Variants in FBXO11 observed in about 807,000 individuals in gnomAD.
The protein encoded by FBXO11 is F-box protein 11.
Under a neutral mutation model 117.0 loss-of-function variants are expected in FBXO11, and 13 were observed. That is an observed-to-expected ratio of 0.11 (90% CI 0.07 to 0.18). FBXO11 has a LOEUF of 0.18. Among genes scored for constraint, FBXO11 ranks in the 10% least tolerant of loss-of-function variants. The pLI, the probability that FBXO11 is intolerant of heterozygous loss-of-function variation, is 1.00. For missense variants in FBXO11, 767 were observed against 1,164.4 expected (o/e 0.66, Z 4.97); for synonymous variants, 490 against 380.5 (o/e 1.29, Z -3.35).
intron 1 of FBXO11, among the ~76,000 whole-genome samples, chr2:47,851,048 A>G (rs1029639724): frequency 3.9e-5 from 6 of 152,200 alleles, no homozygotes; most frequent in African/African-American, 1.4e-4. Context: ...ATCCAAGTTC[A>G]ATTGGACAAT....
At chr2:47,897,928 CA>C (rs1208932952) in intron 1 of FBXO11, among the ~76,000 whole-genome samples, 1 of 151,600 alleles carries the variant, frequency 6.6e-6, no homozygotes, top group East Asian at 1.9e-4. Flanking sequence ...TCTCTTCACA[CA>C]AAAAAAAGGA....
chr2:47,821,588 T>G (rs1572781864), intron 13 of FBXO11, among the ~76,000 whole-genome samples: 3 of 138,948 alleles, frequency 2.2e-5, no homozygotes, highest in African/African-American at 2.7e-5. Context: ...CCAGCCTGGG[T>G]GATAGAGAGA....
At chr2:47,813,604 G>T in intron 17 of FBXO11, among the ~76,000 whole-genome samples, 187 bp downstream of exon 17, 1 of 151,246 alleles carries the variant, frequency 6.6e-6, no homozygotes, top group Admixed American at 6.6e-5. Flanking sequence ...ACTAATTTTT[G>T]TAATATTTAG....
In FBXO11 at chr2:47,820,374, A is replaced by T; in HGVS notation, c.1785T>A (p.Gly595=). Reference sequence around the variant, plus strand: ...TACATTAACTTACCACATAAATCCCACCATGCTGGCCATCATGAATTTTGT... The same window carrying T: ...TACATTAACTTACCACATAAATCCCTCCATGCTGGCCATCATGAATTTTGT... ...RHNKIHDGQH[G]GIYVHEKGQG... is the part of the protein sequence containing the mutation. The change falls in exon 14 of 23, where the codon GGT becomes GGA. Residue 595 remains glycine, a synonymous_variant. Coordinates refer to ENST00000403359, the MANE Select transcript of FBXO11 (RefSeq NM_001190274.2). 1 of 1,613,558 alleles carries T rather than the reference A, an allele frequency of 6.2e-7. No individual in the cohort carries two copies. Among genetic ancestry groups the T allele is most frequent in the Non-Finnish European group, 8.5e-7 (1 of 1,179,736 alleles).
At position 47,900,863 on chromosome 2, in the gene FBXO11, T is replaced by A. The variant is rs1362534132; in HGVS notation, c.232+4626A>T. On this transcript the variant is annotated intron_variant, in intron 1 of 22. Transcript: ENST00000403359. The stretch of plus-strand genomic sequence containing the variant: ...ACACACGTGTATATATATACACGTA[T>A]ACACACACACGTGTATATATATACA... Among the ~76,000 whole-genome samples the A allele has an allele frequency of 3.7e-5, 5 of 134,080 alleles. 1 individual carries two copies. Among genetic ancestry groups the A allele is most frequent in the African/African-American group, 1.2e-4 (4 of 34,650 alleles). 88.0% of individuals were successfully genotyped at this position (134,080 alleles called of 152,430 possible). A position where few individuals can be genotyped will look rare whatever the true frequency, so the allele number is the denominator to read the frequency against.
At chr2:47,823,418 C>T (rs1671521566) in intron 11 of FBXO11, 58 bp from the exon 12 acceptor site, 3 of 1,293,940 alleles carry the variant, frequency 2.3e-6, no homozygotes, top group African/African-American at 1.5e-5. Context: ...AAAAGAAATG[C>T]CATTTAAAAA....
intron 1 of FBXO11, among the ~76,000 whole-genome samples, chr2:47,862,861 C>A (rs1176810146): frequency 6.6e-6 from 1 of 151,990 alleles, no homozygotes; most frequent in African/African-American, 2.4e-5. Flanking sequence ...TTGAGACCAG[C>A]CTGACCAACA....
chr2:47,839,730 C>A lies in FBXO11; in HGVS notation c.272G>T (p.Gly91Val), dbSNP rs1672869417. The change falls in exon 2 of 23, where the codon GGT (glycine) becomes GTT (valine). Residue 91 changes from glycine (G) to valine (V), a missense_variant. Gly to Val is a moderately radical substitution (Grantham distance 109). Around this residue, in one of 10 missense-constraint regions of FBXO11, gnomAD observed 355 missense variants for 299.8 expected, o/e 1.18. Transcript: ENST00000403359. The stretch of plus-strand genomic sequence containing the variant: ...GTATGGACTATTTTGTGCACCAGGA[C>A]CTGATTCTTCTGCAACCATATCTGC... ...VPADMVAEES[G>V]PGAQNSPYQL... 1 of 1,613,818 alleles carries A rather than the reference C, an allele frequency of 6.2e-7. No homozygotes were observed. The highest frequency in any genetic ancestry group is 1.7e-5 in the Admixed American group (1 of 59,958).
chr2:47,850,532 G>C (rs1176870199), intron 1 of FBXO11, among the ~76,000 whole-genome samples: 4 of 152,126 alleles, frequency 2.6e-5, no homozygotes, highest in Admixed American at 2.6e-4. Context: ...TTCAATTTTT[G>C]AGAGGCAGCC....
chr2:47,835,849 T>C, intron 5 of FBXO11, 23 bp downstream of exon 5: 2 of 1,548,926 alleles, frequency 1.3e-6, no homozygotes, highest in Non-Finnish European at 1.8e-6. Context: ...TATAAACCAA[T>C]ATATTCTATT....
chr2:47,831,746 A>G (rs1019578864), intron 11 of FBXO11, among the ~76,000 whole-genome samples: 2 of 152,336 alleles, frequency 1.3e-5, no homozygotes. Flanking sequence ...AAATTATGTA[A>G]AACTATAAGG....
At chr2:47,863,063 A>AC (rs200949353) in intron 1 of FBXO11, among the ~76,000 whole-genome samples, 10 of 136,502 alleles carry the variant, frequency 7.3e-5, no homozygotes, top group Non-Finnish European at 1.2e-4. Flanking sequence ...CTCAAAAAAA[A>AC]AAAAAAAACA....
At chr2:47,878,008 A>G (rs917358852) in intron 1 of FBXO11, among the ~76,000 whole-genome samples, 1 of 152,068 alleles carries the variant, frequency 6.6e-6, no homozygotes, top group African/African-American at 2.4e-5. Context: ...TAATTGCTGC[A>G]TATGTCTCCT....
chr2:47,812,140 T>C (rs1670662917), intron 18 of FBXO11, among the ~76,000 whole-genome samples: 1 of 152,240 alleles, frequency 6.6e-6, no homozygotes, highest in East Asian at 1.9e-4. Flanking sequence ...GCCCCTTCTG[T>C]AGCCTCAATT....
chr2:47,831,948 T>TA (rs1208083174), intron 11 of FBXO11, among the ~76,000 whole-genome samples: 2 of 152,216 alleles, frequency 1.3e-5, no homozygotes, highest in Admixed American at 6.5e-5. Flanking sequence ...CAAACTGTGT[T>TA]AGATTCACTT....
chr2:47,857,531 T>C (rs534651211), intron 1 of FBXO11, among the ~76,000 whole-genome samples: 1 of 152,284 alleles, frequency 6.6e-6, no homozygotes, highest in South Asian at 2.1e-4. Context: ...GTATCTGCAG[T>C]ACAACTGATC....
intron 1 of FBXO11, among the ~76,000 whole-genome samples, chr2:47,846,769 T>A (rs986836024): frequency 6.6e-6 from 1 of 152,182 alleles, no homozygotes; most frequent in African/African-American, 2.4e-5. Flanking sequence ...TATAAAATTA[T>A]TACTGAGATA....
In FBXO11 at chr2:47,839,766, T is replaced by C. The variant is rs1313581679; in HGVS notation, c.236A>G (p.Asp79Gly). The C allele has an allele frequency of 1.9e-6, 3 of 1,611,984 alleles. No individual in the cohort carries two copies. The highest frequency in any genetic ancestry group is 2.2e-5 in the East Asian group (1 of 44,876). ...TGCAACCATATCTGCAGGCACATCA[T>C]CATCTGTTATAAACAAAAGCAATAA... is the stretch of plus-strand genomic sequence containing the variant. ...QERNNVGERD[D>G]DVPADMVAEE... Residue 79 changes from aspartate to glycine, a missense_variant, in exon 2 of 23, where the codon GAT (aspartate) becomes GGT (glycine). Physicochemically the swap from Asp to Gly is moderately conservative, Grantham distance 94. Around this residue, in one of 10 missense-constraint regions of FBXO11, gnomAD observed 355 missense variants for 299.8 expected, o/e 1.18. Coordinates refer to ENST00000403359, the MANE Select transcript of FBXO11 (RefSeq NM_001190274.2).
At chr2:47,899,215 G>A (rs1172459871) in intron 1 of FBXO11, among the ~76,000 whole-genome samples, 5 of 150,876 alleles carry the variant, frequency 3.3e-5, no homozygotes, top group Non-Finnish European at 7.4e-5. Flanking sequence ...CGGAGCTTGC[G>A]GTGAGCCGAA....
Sources: gnomAD v4.1 joint callset for allele counts (sites outside exome capture counted in the v4.1 genomes callset) on GRCh38, gnomAD v4.1.1 for gene constraint, gnomAD v4.1.1 regional missense constraint, MANE v1.5 for transcripts, NCBI Gene and HGNC (gene_info 2026-07-23, HGNC 2026-07-21) for gene names.